Variants in SMO observed in about 807,000 individuals in gnomAD.
SMO encodes smoothened, frizzled class receptor.
Under a neutral mutation model 81.6 loss-of-function variants are expected in SMO, and 40 were observed. That is an observed-to-expected ratio of 0.49 (90% CI 0.38 to 0.64). SMO has a LOEUF of 0.64. Ranked by LOEUF, SMO falls within the 30% of genes least tolerant of loss-of-function variation. SMO has a pLI of 0.00. For missense variants in SMO, 916 were observed against 1,061.1 expected, an observed-to-expected ratio of 0.86 and a Z score of 1.90; for synonymous variants, 434 against 432.1, an observed-to-expected ratio of 1.00 and a Z score of -0.05.
chr7:129,197,733 C>CT (rs1793609840), intron 1 of SMO, among the ~76,000 whole-genome samples: 2 of 151,762 alleles, frequency 1.3e-5, no homozygotes, highest in East Asian at 1.9e-4. Flanking sequence ...ATTTTATCAA[C>CT]TTTTTTTTGC....
chr7:129,206,059 C>T lies in SMO; in HGVS notation c.921-91C>T, dbSNP rs1793760177. 1 of 1,126,634 alleles carries T rather than the reference C, an allele frequency of 8.9e-7. No homozygotes were observed. The highest frequency in any genetic ancestry group is 1.3e-6 in the Non-Finnish European group (1 of 775,814). The allele number at this position is 1,126,634 out of a possible 1,614,324, so 69.8% of individuals were successfully genotyped here. On this transcript the variant is annotated intron_variant, in intron 4 of 11. Coordinates refer to ENST00000249373, the MANE Select transcript of SMO (RefSeq NM_005631.5). This position sits in a 1 kb window ranked among gnomAD's most constrained non-coding sequence, Gnocchi z 4.4. ...CTGACTTCTGGGAACCTCCAGACCT[C>T]AGCAGCTGAGGGTCTGGGCACAGGG... is the stretch of plus-strand genomic sequence containing the variant.
At position 129,210,289 on chromosome 7, in the gene SMO, A is replaced by G. The variant is rs1180251867; in HGVS notation, c.1467-74A>G. Reference sequence around the variant, plus strand: ...CACCGCACTCTAGCCTGGGTGACAGAGCAAGATCCTATCTCAAAAAAAGAG... The same window carrying G: ...CACCGCACTCTAGCCTGGGTGACAGGGCAAGATCCTATCTCAAAAAAAGAG... On this transcript the variant is annotated intron_variant, in intron 8 of 11. Transcript: ENST00000249373. This position sits in a 1 kb window ranked among gnomAD's most constrained non-coding sequence, Gnocchi z 4.7. The G allele has an allele frequency of 6.1e-6, 8 of 1,305,784 alleles. No homozygotes were observed. The highest frequency in any genetic ancestry group is 5.2e-5 in the Admixed American group (3 of 57,540). The allele number at this position is 1,305,784 out of a possible 1,614,324, so 80.9% of individuals were successfully genotyped here. A position where few individuals can be genotyped will look rare whatever the true frequency, so the allele number is the denominator to read the frequency against.
Position 129,211,183 on chromosome 7 carries a change from T to G in SMO, c.1801+70T>G, listed in dbSNP as rs1793864655. The G allele has an allele frequency of 4.8e-6, 7 of 1,461,676 alleles. No individual in the cohort carries two copies. The highest frequency in any genetic ancestry group is 6.6e-6 in the Non-Finnish European group (7 of 1,066,114). The allele number at this position is 1,461,676 out of a possible 1,614,324, so 90.5% of individuals were successfully genotyped here. ...GCCCATGTGCTAGTCTCTCCCAGCC[T>G]GCTGGGGGCACACAGATTATTTGGA... is the stretch of plus-strand genomic sequence containing the variant. On this transcript the variant is annotated intron_variant, in intron 10 of 11. Transcript: ENST00000249373. This position sits in a 1 kb window ranked among gnomAD's most constrained non-coding sequence, Gnocchi z 4.6.
rs1793810560 is a variant in SMO, at chr7:129,208,472, G to C, written c.1265-287G>C. On this transcript the variant is annotated intron_variant, in intron 6 of 11. Coordinates refer to ENST00000249373, the MANE Select transcript of SMO (RefSeq NM_005631.5). This position sits in a 1 kb window ranked among gnomAD's most constrained non-coding sequence, Gnocchi z 5.2. Reference sequence around the variant, plus strand: ...AAAAAAAAATTATATGGATAGCGCTGTTCTTGAGTCTGTTTTATGTCTTTC... The same window carrying C: ...AAAAAAAAATTATATGGATAGCGCTCTTCTTGAGTCTGTTTTATGTCTTTC... 6.6e-6 allele frequency among the ~76,000 whole-genome samples: 1 copy of C among 151,766 alleles called. No homozygotes were observed. Among genetic ancestry groups the C allele is most frequent in the Non-Finnish European group, 1.5e-5 (1 of 67,974 alleles).
At position 129,189,367 on chromosome 7, in the gene SMO, G is replaced by T. The variant is rs1472882491; in HGVS notation, c.216G>T (p.Pro72=). ...SHCGRAAPCE[P]LRYNVCLGSV... Reference sequence around the variant, plus strand: ...GCGGCCGGGCTGCCCCCTGCGAGCCGCTGCGCTACAACGTGTGCCTGGGCT... The same window carrying T: ...GCGGCCGGGCTGCCCCCTGCGAGCCTCTGCGCTACAACGTGTGCCTGGGCT... The change falls in exon 1 of 12, where the codon CCG becomes CCT. Residue 72 remains proline (P), a synonymous_variant. Coordinates refer to ENST00000249373, the MANE Select transcript of SMO (RefSeq NM_005631.5). This position sits in a 1 kb window ranked among gnomAD's most constrained non-coding sequence, Gnocchi z 4.7. The T allele has an allele frequency of 6.5e-7, 1 of 1,531,092 alleles. No homozygotes were observed. The highest frequency in any genetic ancestry group is 2.0e-5 in the Admixed American group (1 of 50,810). The allele number at this position is 1,531,092 out of a possible 1,614,324, so 94.8% of individuals were successfully genotyped here. A position where few individuals can be genotyped will look rare whatever the true frequency, so the allele number is the denominator to read the frequency against.
intron 1 of SMO, among the ~76,000 whole-genome samples, chr7:129,191,488 C>T (rs2150639723): frequency 6.6e-6 from 1 of 152,228 alleles, no homozygotes; most frequent in Middle Eastern, 3.4e-3. Context: ...TCAGCTCATT[C>T]CTGTTTCCAT....
At chr7:129,209,059 CG>C (rs746850112) in intron 7 of SMO, 161 of 614,932 alleles carry the variant, frequency 2.6e-4, no homozygotes, top group Admixed American at 7.2e-4. Flanking sequence ...AAGTTCATGC[CG>C]GGACTGGTTC....
At position 129,205,633 on chromosome 7, in the gene SMO, G is replaced by A. The variant is rs1161588469; in HGVS notation, c.771G>A (p.Arg257=). 3 of 1,613,902 alleles carry A rather than the reference G, an allele frequency of 1.9e-6. No individual in the cohort carries two copies. Among genetic ancestry groups the A allele is most frequent in the Non-Finnish European group, 2.5e-6 (3 of 1,179,800 alleles). The stretch of plus-strand genomic sequence containing the variant: ...AGGCCACATTCGTGGCTGACTGGCG[G>A]AACTCGAATCGCTACCCTGCTGTTA... ...FTLATFVADW[R]NSNRYPAVIL... is the part of the protein sequence containing the mutation. Residue 257 remains arginine (R), a synonymous_variant, in exon 4 of 12, where the codon CGG becomes CGA. Transcript: ENST00000249373.
intron 1 of SMO, among the ~76,000 whole-genome samples, chr7:129,201,121 A>G (rs1449511954): frequency 6.6e-6 from 1 of 151,976 alleles, no homozygotes; most frequent in Non-Finnish European, 1.5e-5. Context: ...ATCTCCGCTT[A>G]CTGCAACCTC....
rs1208170429 is a variant in SMO, at chr7:129,210,933, T to TCACGCTCCTTC, written c.1653-30_1653-20dup. The TCACGCTCCTTC allele has an allele frequency of 6.4e-7, 1 of 1,552,188 alleles. No individual in the cohort carries two copies. Among genetic ancestry groups the TCACGCTCCTTC allele is most frequent in the Non-Finnish European group, 8.7e-7 (1 of 1,148,144 alleles). On this transcript the variant is annotated intron_variant, in intron 9 of 11. Coordinates refer to ENST00000249373, the MANE Select transcript of SMO (RefSeq NM_005631.5). The surrounding 1 kb of genome is among the most constrained non-coding windows in gnomAD (Gnocchi z 4.7). ...GATTTGATGGGAAGTGGCAGCTTCTTCACGCTCCTTCCCTATCCCTTCTGC... is the reference window on the plus strand; with the variant it reads ...GATTTGATGGGAAGTGGCAGCTTCTTCACGCTCCTTCCACGCTCCTTCCCTATCCCTTCTGC...
In SMO at chr7:129,211,950, A is replaced by G. The variant is rs1793877605; in HGVS notation, c.1937-74A>G. 1.4e-6 allele frequency: 2 copies of G among 1,453,464 alleles called. No homozygotes were observed. The highest frequency in any genetic ancestry group is 9.2e-7 in the Non-Finnish European group (1 of 1,083,404). 90.0% of individuals were successfully genotyped at this position (1,453,464 alleles called of 1,614,324 possible). On this transcript the variant is annotated intron_variant, in intron 11 of 11. Transcript: ENST00000249373. This position sits in a 1 kb window ranked among gnomAD's most constrained non-coding sequence, Gnocchi z 4.6. Reference sequence around the variant, plus strand: ...CCTGGGCCCCAGAACTAACAGGTTAAGTGCTCCCAGGGGAGCGGGGGTGGC... The same window carrying G: ...CCTGGGCCCCAGAACTAACAGGTTAGGTGCTCCCAGGGGAGCGGGGGTGGC...
In SMO at chr7:129,210,437, G is replaced by A. The variant is rs776043436; in HGVS notation, c.1541G>A (p.Ser514Asn). The A allele has an allele frequency of 5.0e-6, 8 of 1,614,056 alleles. No homozygotes were observed. In the African/African-American group the frequency reaches 6.7e-5, roughly 13 times the overall value. Reference sequence around the variant, plus strand: ...GACTGTGAGATCAAGAATCGCCCGAGCCTTCTGGTGGAGAAGATCAACCTG... The same window carrying A: ...GACTGTGAGATCAAGAATCGCCCGAACCTTCTGGTGGAGAAGATCAACCTG... Reference protein sequence around the residue: ...IPDCEIKNRPSLLVEKINLFA... With the variant: ...IPDCEIKNRPNLLVEKINLFA... The change falls in exon 9 of 12, where the codon AGC becomes AAC. Residue 514 changes from serine to asparagine, a missense_variant. Around this residue, in one of 4 missense-constraint regions of SMO, gnomAD observed 436 missense variants for 570.9 expected, o/e 0.76. Transcript: ENST00000249373. The surrounding 1 kb of genome is among the most constrained non-coding windows in gnomAD (Gnocchi z 4.7).
Position 129,212,322 on chromosome 7 carries a change from G to C in SMO, c.2235G>C (p.Gln745His), listed in dbSNP as rs2150657087. 6.2e-7 allele frequency: 1 copy of C among 1,614,188 alleles called. No individual in the cohort carries two copies. Among genetic ancestry groups the C allele is most frequent in the Non-Finnish European group, 8.5e-7 (1 of 1,180,036 alleles). ...NPFCPEPSPP[Q>H]DPFLPSAPAP... ...TCTGCCCAGAGCCCAGTCCCCCTCA[G>C]GATCCATTTCTGCCCAGTGCACCGG... is the stretch of plus-strand genomic sequence containing the variant. The change falls in exon 12 of 12, where the codon CAG (glutamine) becomes CAC (histidine). Residue 745 changes from glutamine (Q) to histidine (H), a missense_variant. Transcript: ENST00000249373. This position sits in a 1 kb window ranked among gnomAD's most constrained non-coding sequence, Gnocchi z 5.0.
chr7:129,209,753 A>G (rs1391520086), intron 8 of SMO: 1 of 255,332 alleles, frequency 3.9e-6, no homozygotes, highest in Non-Finnish European at 7.6e-6. Context: ...GCACAGGACT[A>G]GTTACCTCTC....
At position 129,195,378 on chromosome 7, in the gene SMO, C is replaced by G. The variant is rs188757978; in HGVS notation, c.331+5896C>G. On this transcript the variant is annotated intron_variant, in intron 1 of 11. Coordinates refer to ENST00000249373, the MANE Select transcript of SMO (RefSeq NM_005631.5). ...ATCAGCCTTTTACATTTTTGCCAAT[C>G]TAGTGGCTATATTGTGGCATATATT... is the stretch of plus-strand genomic sequence containing the variant. Among the ~76,000 whole-genome samples the G allele has an allele frequency of 2.6e-5, 4 of 152,318 alleles. No individual in the cohort carries two copies. In the East Asian group the frequency reaches 7.7e-4, roughly 29 times the overall value.
At position 129,205,364 on chromosome 7, in the gene SMO, C is replaced by T. The variant is rs2150648455; in HGVS notation, c.699C>T (p.Tyr233=). 6.2e-7 allele frequency: 1 copy of T among 1,613,632 alleles called. No homozygotes were observed. The highest frequency in any genetic ancestry group is 8.5e-7 in the Non-Finnish European group (1 of 1,179,794). ...TEAEHQDMHS[Y]IAAFGAVTGL... is the part of the protein sequence containing the mutation. Reference sequence around the variant, plus strand: ...CTGAGCACCAGGACATGCACAGCTACATCGCGGCCTTCGGGGCCGTCACGG... The same window carrying T: ...CTGAGCACCAGGACATGCACAGCTATATCGCGGCCTTCGGGGCCGTCACGG... The change falls in exon 3 of 12, where the codon TAC becomes TAT. Residue 233 remains tyrosine (Y), a synonymous_variant. Transcript: ENST00000249373.
At position 129,212,573 on chromosome 7, in the gene SMO, C is replaced by T. The variant is rs555151336; in HGVS notation, c.*122C>T. On this transcript the variant is annotated 3_prime_UTR_variant, in exon 12 of 12. Coordinates refer to ENST00000249373, the MANE Select transcript of SMO (RefSeq NM_005631.5). This position sits in a 1 kb window ranked among gnomAD's most constrained non-coding sequence, Gnocchi z 5.0. ...AGAGAACCTGTGGGCTGACTGCCCT[C>T]CGAAGAGAGTTCTGGATGTCTGGCT... The T allele has an allele frequency of 2.9e-5, 26 of 907,960 alleles. No individual in the cohort carries two copies. The East Asian group carries it at 4.8e-4, about 17-fold the overall frequency. 56.2% of individuals were successfully genotyped at this position (907,960 alleles called of 1,614,324 possible). A position where few individuals can be genotyped will look rare whatever the true frequency, so the allele number is the denominator to read the frequency against.
intron 1 of SMO, among the ~76,000 whole-genome samples, chr7:129,199,924 T>C (rs1487604039): frequency 6.6e-6 from 1 of 152,190 alleles, no homozygotes. Context: ...TATAGAATTA[T>C]GCAATTTTTA....
intron 8 of SMO, 32 bp downstream of exon 8, chr7:129,209,429 G>A (rs1268195381): frequency 1.5e-5 from 22 of 1,464,980 alleles, no homozygotes; most frequent in Non-Finnish European, 2.1e-5. Flanking sequence ...GGCAGTGCTG[G>A]GAGCTGGAGC....
Sources: gnomAD v4.1 joint callset for allele counts (sites outside exome capture counted in the v4.1 genomes callset) on GRCh38, gnomAD v4.1.1 for gene constraint, gnomAD v4.1.1 regional missense constraint, Gnocchi (gnomAD v3.1) non-coding constraint, MANE v1.5 for transcripts, NCBI Gene and HGNC (gene_info 2026-07-23, HGNC 2026-07-21) for gene names.